The following DPP6 variants were observed in gnomAD, a reference collection of about 807,000 sequenced individuals.
DPP6 encodes dipeptidyl peptidase like 6.
In DPP6, 69 loss-of-function variants were observed where a neutral mutation model predicts 122.6. That is an observed-to-expected ratio of 0.56 (90% confidence interval 0.46 to 0.69). DPP6 has a LOEUF of 0.69. Among genes scored for constraint, DPP6 ranks in the 30% least tolerant of loss-of-function variants. DPP6 has a pLI of 0.00. For missense variants in DPP6, 928 were observed against 1,116.9 expected, an observed-to-expected ratio of 0.83 and a Z score of 2.41; for synonymous variants, 418 against 433.1, an observed-to-expected ratio of 0.97 and a Z score of 0.43.
the DPP6 span, among the ~76,000 whole-genome samples, chr7:153,789,074 G>A: frequency 6.6e-6 from 1 of 152,032 alleles, no homozygotes; most frequent in African/African-American, 2.4e-5. Flanking sequence ...GAAGAAAATC[G>A]AGGTGTCAGT....
At chr7:154,092,809 A>G (rs370384245) in intron 1 of DPP6, 39 of 151,944 alleles carry the variant, frequency 2.6e-4, no homozygotes, top group African/African-American at 9.0e-4. Context: ...TTCACCTCCT[A>G]GTTTGGGCAT....
At chr7:154,060,130 C>A (rs1801495024) in intron 1 of DPP6, among the ~76,000 whole-genome samples, 1 of 148,346 alleles carries the variant, frequency 6.7e-6, no homozygotes, top group Non-Finnish European at 1.5e-5. Context: ...CTGCAAACCT[C>A]CACCTTTCCT....
In DPP6 at chr7:154,232,433, A is replaced by G. The variant is rs138061158; in HGVS notation, c.243+179370A>G. ...GGAGGGCTTTGGTGTCAGGACCTCA[A>G]TCCCTGGAAAGTAGATAAGTACCAT... On this transcript the variant is annotated intron_variant, in intron 1 of 25. Coordinates refer to ENST00000377770, the MANE Select transcript of DPP6 (RefSeq NM_130797.4). Among the ~76,000 whole-genome samples, 204 of 152,286 alleles carry G rather than the reference A, an allele frequency of 1.3e-3. 1 individual carries two copies. The highest frequency in any genetic ancestry group is 2.5e-3 in the Non-Finnish European group (170 of 68,014).
At chr7:153,929,224 T>C (rs1222496095) in intron 1 of DPP6, among the ~76,000 whole-genome samples, 2 of 152,114 alleles carry the variant, frequency 1.3e-5, no homozygotes, top group African/African-American at 4.8e-5. Context: ...GTGGCTGATG[T>C]TCCTGCACAC....
At chr7:154,228,496 G>A (rs566571774) in intron 1 of DPP6, among the ~76,000 whole-genome samples, 5 of 152,106 alleles carry the variant, frequency 3.3e-5, no homozygotes, top group African/African-American at 9.7e-5. Flanking sequence ...CAAAGATACC[G>A]CTTGGGTTCA....
At chr7:154,675,244 A>G (rs76140552) in intron 7 of DPP6, among the ~76,000 whole-genome samples, 1 of 152,160 alleles carries the variant, frequency 6.6e-6, no homozygotes, top group East Asian at 1.9e-4. Context: ...CATTAGGAGA[A>G]ATACCTAATG....
At chr7:154,333,684 T>C (rs1217576200) in intron 1 of DPP6, among the ~76,000 whole-genome samples, 3 of 152,220 alleles carry the variant, frequency 2.0e-5, no homozygotes, top group Non-Finnish European at 4.4e-5. Context: ...CTGTTTTGAA[T>C]CATTGTGAAA....
In DPP6 at chr7:154,284,583, G is replaced by A. The variant is rs539541734; in HGVS notation, c.244-161631G>A. 8.5e-5 allele frequency among the ~76,000 whole-genome samples: 13 copies of A among 152,356 alleles called. No individual in the cohort carries two copies. The East Asian group carries it at 1.2e-3, about 14-fold the overall frequency. On this transcript the variant is annotated intron_variant, in intron 1 of 25. Coordinates refer to ENST00000377770, the MANE Select transcript of DPP6 (RefSeq NM_130797.4). ...AAACACTATGCCAGAGACTGGGCGC[G>A]TTGGCTTACGCCCGTAATCCCAGCA...
chr7:154,735,553 C>T (rs1842533913), intron 8 of DPP6, among the ~76,000 whole-genome samples: 1 of 152,198 alleles, frequency 6.6e-6, no homozygotes, highest in Admixed American at 6.5e-5. Context: ...TTTCATGTAA[C>T]TAAAATGAGT....
At chr7:154,680,697 A>ATT (rs1839227167) in intron 7 of DPP6, among the ~76,000 whole-genome samples, 9 of 111,050 alleles carry the variant, frequency 8.1e-5, no homozygotes, top group African/African-American at 1.6e-4. Context: ...TTTTTTTTAA[A>ATT]AAAAAATTAA....
chr7:154,407,904 G>A (rs1329918338), intron 1 of DPP6, among the ~76,000 whole-genome samples: 2 of 152,158 alleles, frequency 1.3e-5, no homozygotes, highest in Non-Finnish European at 2.9e-5. Flanking sequence ...CATTGGCTTT[G>A]CAACTTACTA....
At chr7:154,065,990 A>G (rs1184645225) in intron 1 of DPP6, among the ~76,000 whole-genome samples, 1 of 148,898 alleles carries the variant, frequency 6.7e-6, no homozygotes, top group Non-Finnish European at 1.5e-5. Context: ...TCTAAGCCTC[A>G]CCTTCATACT....
rs1362871614 is a variant in DPP6 at position 154,803,947 on chromosome 7, G to T, written c.1491G>T (p.Gly497=). 2 of 1,613,498 alleles carry T rather than the reference G, an allele frequency of 1.2e-6. No homozygotes were observed. The highest frequency in any genetic ancestry group is 2.7e-5 in the African/African-American group (2 of 74,938). The change falls in exon 14 of 26, where the codon GGG becomes GGT. Residue 497 remains glycine (G), a synonymous_variant. Coordinates refer to ENST00000377770, the MANE Select transcript of DPP6 (RefSeq NM_130797.4). ...VTKILAYDEK[G]NKIYFLSTED... is the part of the protein sequence containing the mutation. ...AGATCCTAGCCTACGATGAGAAGGG[G>T]AATAAGATGTGAGTGAGAACCAGGG...
At chr7:154,577,480 C>T (rs1323690192) in intron 5 of DPP6, among the ~76,000 whole-genome samples, 4 of 152,192 alleles carry the variant, frequency 2.6e-5, no homozygotes, top group Non-Finnish European at 4.4e-5. Flanking sequence ...TCCTCCAAAG[C>T]CGTGTGGGGT....
chr7:154,878,143 C>T (rs1212816486), intron 20 of DPP6, among the ~76,000 whole-genome samples: 1 of 152,154 alleles, frequency 6.6e-6, no homozygotes, highest in African/African-American at 2.4e-5. Context: ...TTTGGAAGCC[C>T]GGGGCCTCCC....
chr7:153,905,255 G>A (rs549423498), intron 1 of DPP6, among the ~76,000 whole-genome samples: 1 of 152,312 alleles, frequency 6.6e-6, no homozygotes, highest in African/African-American at 2.4e-5. Flanking sequence ...GGGAACAGAG[G>A]ATCTGGTTCG....
At chr7:153,918,483 C>G (rs1421115405) in intron 1 of DPP6, among the ~76,000 whole-genome samples, 1 of 133,960 alleles carries the variant, frequency 7.5e-6, no homozygotes, top group Non-Finnish European at 1.7e-5. Flanking sequence ...CTCTCTCTCT[C>G]TCTCTCTTTT....
At chr7:154,560,469 A>G (rs1191307938) in intron 4 of DPP6, among the ~76,000 whole-genome samples, 5 of 152,224 alleles carry the variant, frequency 3.3e-5, no homozygotes, top group Non-Finnish European at 5.9e-5. Flanking sequence ...TTCCTATATC[A>G]TTATGCCTAC....
chr7:154,199,866 C>T (rs1799078059), intron 1 of DPP6, among the ~76,000 whole-genome samples: 1 of 152,134 alleles, frequency 6.6e-6, no homozygotes, highest in South Asian at 2.1e-4. Context: ...CCTCAGCCTC[C>T]CAAAGTGCTG....
Sources: gnomAD v4.1 joint callset for allele counts (sites outside exome capture counted in the v4.1 genomes callset) on GRCh38, gnomAD v4.1.1 for gene constraint, MANE v1.5 for transcripts, NCBI Gene and HGNC (gene_info 2026-07-23, HGNC 2026-07-21) for gene names.